Variants in TMEM232 observed in about 807,000 individuals in gnomAD.
TMEM232 encodes transmembrane protein 232.
Under a neutral mutation model 78.8 loss-of-function variants are expected in TMEM232, and 80 were observed. The observed-to-expected ratio is 1.01, with a 90% CI of 0.85 to 1.22. The LOEUF (loss-of-function observed/expected upper bound fraction) is 1.22. Ranked by LOEUF, TMEM232 falls within the 50% of genes most tolerant of loss-of-function variation. The pLI, the probability that TMEM232 is intolerant of heterozygous loss-of-function variation, is 0.00. For synonymous variants in TMEM232, 297 were observed against 254.3 expected (o/e 1.17, Z -1.60); for missense variants, 881 against 742.2 (o/e 1.19, Z -2.17).
intron 12 of TMEM232, among the ~76,000 whole-genome samples, chr5:110,479,629 A>C (rs985966827): frequency 3.3e-5 from 5 of 151,848 alleles, no homozygotes; most frequent in African/African-American, 1.2e-4. Context: ...TTTATTAATG[A>C]ATTTACCACA....
chr5:110,648,117 A>C (rs1367522716), intron 2 of TMEM232, among the ~76,000 whole-genome samples: 1 of 152,060 alleles, frequency 6.6e-6, no homozygotes, highest in Non-Finnish European at 1.5e-5. Flanking sequence ...AAGGGAAGTC[A>C]CAAAGGAAGA....
intron 11 of TMEM232, among the ~76,000 whole-genome samples, chr5:110,536,942 G>C (rs1255910764): frequency 6.6e-6 from 1 of 152,138 alleles, no homozygotes; most frequent in Admixed American, 6.5e-5. Flanking sequence ...GGTCATCAGT[G>C]GTGGAGGGAA....
intron 2 of TMEM232, among the ~76,000 whole-genome samples, chr5:110,410,822 G>T (rs1755969082): frequency 6.6e-6 from 1 of 152,124 alleles, no homozygotes; most frequent in South Asian, 2.1e-4. Flanking sequence ...AGTTTGCATT[G>T]CTTGAATGTG....
intron 1 of TMEM232, among the ~76,000 whole-genome samples, chr5:110,721,104 G>A (rs114674374): frequency 3.3e-5 from 5 of 151,964 alleles, no homozygotes; most frequent in African/African-American, 1.2e-4. Context: ...GTTATTCCCG[G>A]TAAAGTTATA....
chr5:110,549,507 C>G (rs933552702), intron 11 of TMEM232, among the ~76,000 whole-genome samples: 18 of 147,344 alleles, frequency 1.2e-4, no homozygotes, highest in African/African-American at 4.0e-4. Context: ...CTCAGCTACT[C>G]GGGAGGCTGA....
intron 12 of TMEM232, among the ~76,000 whole-genome samples, chr5:110,425,411 T>C (rs1441104650): frequency 6.6e-6 from 1 of 151,996 alleles, no homozygotes; most frequent in East Asian, 1.9e-4. Context: ...TATGAAGAAA[T>C]TGTGTGAATC....
chr5:110,546,067 A>G (rs1773742481), intron 11 of TMEM232, among the ~76,000 whole-genome samples: 1 of 152,128 alleles, frequency 6.6e-6, no homozygotes, highest in Non-Finnish European at 1.5e-5. Context: ...TGAAGGGCTC[A>G]TATTTCAGGA....
intron 12 of TMEM232, 61 bp downstream of exon 12, chr5:110,528,527 A>G: frequency 2.1e-6 from 3 of 1,396,922 alleles, no homozygotes; most frequent in Middle Eastern, 4.9e-4. Context: ...ATTATCTATA[A>G]TTTCTGTGAT....
upstream of TMEM232, among the ~76,000 whole-genome samples, chr5:110,728,898 T>G (rs1798411221): frequency 6.6e-6 from 1 of 151,608 alleles, no homozygotes; most frequent in Non-Finnish European, 1.5e-5. Flanking sequence ...TATTATTATT[T>G]TTTGAGATGA....
In TMEM232 at chr5:110,623,685, C is replaced by G. The variant is rs1392626727; in HGVS notation, c.768+1582G>C. ...CAGCACTGACTGAGTGCTGATTAGCCAAATCAGTAATTTTAGCAGCACTGT... is the reference window on the plus strand; with the variant it reads ...CAGCACTGACTGAGTGCTGATTAGCGAAATCAGTAATTTTAGCAGCACTGT... On this transcript the variant is annotated intron_variant, in intron 7 of 13. Coordinates refer to ENST00000455884, the MANE Select transcript of TMEM232 (RefSeq NM_001039763.4). 2.6e-5 allele frequency among the ~76,000 whole-genome samples: 4 copies of G among 151,904 alleles called. No homozygotes were observed. In the East Asian group the frequency reaches 7.7e-4, roughly 29 times the overall value.
intron 12 of TMEM232, among the ~76,000 whole-genome samples, chr5:110,460,406 C>CTATAGTAATCTCACAA (rs1339960256): frequency 9.2e-5 from 14 of 151,914 alleles, no homozygotes; most frequent in African/African-American, 3.4e-4. Flanking sequence ...TGGATGCTCT[C>CTATAGTAATCTCACAA]TATAGTAATC....
chr5:110,591,176 G>A (rs1468977465), intron 10 of TMEM232, among the ~76,000 whole-genome samples: 1 of 152,092 alleles, frequency 6.6e-6, no homozygotes, highest in Non-Finnish European at 1.5e-5. Context: ...CATTATTTGA[G>A]GCCAAGCGTG....
At chr5:110,610,715 C>T (rs879192173) in intron 8 of TMEM232, 3 of 327,750 alleles carry the variant, frequency 9.2e-6, no homozygotes, top group Admixed American at 8.5e-5. Flanking sequence ...CTGACGACTT[C>T]GAACATCTCA....
intron 2 of TMEM232, among the ~76,000 whole-genome samples, chr5:110,733,357 GA>G (rs1463116585): frequency 2.0e-5 from 3 of 152,012 alleles, no homozygotes; most frequent in Non-Finnish European, 4.4e-5. Flanking sequence ...ATAACCAAAG[GA>G]ATATAAATCA....
intron 5 of TMEM232, among the ~76,000 whole-genome samples, chr5:110,630,659 C>G (rs1265038867): frequency 6.6e-6 from 1 of 152,140 alleles, no homozygotes; most frequent in Non-Finnish European, 1.5e-5. Context: ...CCCAGTCATG[C>G]TTCCTGTTAA....
At chr5:110,421,978 A>C (rs1756688602) in intron 13 of TMEM232, among the ~76,000 whole-genome samples, 1 of 152,186 alleles carries the variant, frequency 6.6e-6, no homozygotes, top group African/African-American at 2.4e-5. Flanking sequence ...TTTGCATAAA[A>C]TGTATGGGAA....
chr5:110,532,437 A>G (rs998848686), intron 11 of TMEM232, among the ~76,000 whole-genome samples: 6 of 151,736 alleles, frequency 4.0e-5, no homozygotes, highest in African/African-American at 1.5e-4. Context: ...CCCACTCCAC[A>G]TTACCTTCTT....
intron 4 of TMEM232, among the ~76,000 whole-genome samples, chr5:110,389,132 A>G (rs977082255): frequency 6.6e-6 from 1 of 152,092 alleles, no homozygotes; most frequent in Non-Finnish European, 1.5e-5. Context: ...AAGTTGGCAC[A>G]TGCCTGTTAT....
At chr5:110,414,154 A>C (rs2112586394) in intron 2 of TMEM232, among the ~76,000 whole-genome samples, 1 of 152,360 alleles carries the variant, frequency 6.6e-6, no homozygotes, top group Admixed American at 6.5e-5. Flanking sequence ...GGTCTTTGTC[A>C]AAATCCTTAG....
Sources: allele counts gnomAD v4.1 joint callset (sites outside exome capture counted in the v4.1 genomes callset), GRCh38; gene constraint gnomAD v4.1.1; transcripts MANE v1.5; gene names NCBI Gene and HGNC (gene_info 2026-07-23, HGNC 2026-07-21).